Variants in ARHGAP26 observed in about 807,000 individuals in gnomAD.
ARHGAP26 encodes the protein rho GTPase-activating protein 26.
In ARHGAP26, 38 loss-of-function variants were observed where a neutral mutation model predicts 104.8. That is an observed-to-expected ratio of 0.36 (90% confidence interval 0.28 to 0.48). ARHGAP26 has a LOEUF of 0.48. Among genes scored for constraint, ARHGAP26 ranks in the 20% least tolerant of loss-of-function variants. The pLI, the probability that ARHGAP26 is intolerant of heterozygous loss-of-function variation, is 0.99. For synonymous variants in ARHGAP26, 341 were observed against 340.0 expected, an observed-to-expected ratio of 1.00 and a Z score of -0.03; for missense variants, 704 against 947.9, an observed-to-expected ratio of 0.74 and a Z score of 3.38.
At chr5:142,956,119 T>G (rs1343782000) in intron 11 of ARHGAP26, among the ~76,000 whole-genome samples, 1 of 152,240 alleles carries the variant, frequency 6.6e-6, no homozygotes, top group Non-Finnish European at 1.5e-5. Context: ...TATCTATGTT[T>G]TCATTATCTG....
At chr5:143,143,869 T>C (rs1333707541) in intron 19 of ARHGAP26, among the ~76,000 whole-genome samples, 1 of 152,210 alleles carries the variant, frequency 6.6e-6, no homozygotes, top group Non-Finnish European at 1.5e-5. Flanking sequence ...ATAGAACATA[T>C]GTTTGTGAAA....
intron 20 of ARHGAP26, among the ~76,000 whole-genome samples, chr5:143,177,970 A>G: frequency 7.0e-6 from 1 of 143,124 alleles, no homozygotes; most frequent in African/African-American, 2.6e-5. Flanking sequence ...TGGCCTGTTC[A>G]AGTCTGTGTG....
intron 20 of ARHGAP26, among the ~76,000 whole-genome samples, chr5:143,186,412 T>A (rs895455235): frequency 6.6e-6 from 1 of 152,166 alleles, no homozygotes; most frequent in African/African-American, 2.4e-5. Flanking sequence ...GCCTAGGGAC[T>A]CAGACTCCTC....
intron 20 of ARHGAP26, among the ~76,000 whole-genome samples, chr5:143,174,958 A>G (rs1475012056): frequency 3.3e-5 from 5 of 152,248 alleles, no homozygotes; most frequent in African/African-American, 1.2e-4. Context: ...GAGATAAGGA[A>G]GCTTAAGTGT....
At chr5:142,773,262 A>G (rs1306909875) in intron 1 of ARHGAP26, among the ~76,000 whole-genome samples, 1 of 152,250 alleles carries the variant, frequency 6.6e-6, no homozygotes, top group East Asian at 1.9e-4. Context: ...TTAAACATAA[A>G]TACATAATTA....
chr5:143,207,131 G>T (rs1256318572), intron 20 of ARHGAP26, 67 bp from the exon 21 acceptor site: 24 of 1,565,748 alleles, frequency 1.5e-5, no homozygotes, highest in Non-Finnish European at 2.0e-5. Context: ...GGCCTCCCAT[G>T]ACCTCCTGTG....
chr5:143,055,965 T>A, intron 15 of ARHGAP26, 63 bp from the exon 16 acceptor site: 4 of 1,166,716 alleles, frequency 3.4e-6, no homozygotes, highest in Non-Finnish European at 5.1e-6. Context: ...TCTAGGCTGC[T>A]ATTTAGAGAG....
chr5:143,000,452 A>C (rs1464250589), intron 11 of ARHGAP26, among the ~76,000 whole-genome samples: 8 of 152,278 alleles, frequency 5.3e-5, no homozygotes, highest in Admixed American at 3.3e-4. Context: ...AAAGGACTAA[A>C]GGTATTGGTT....
intron 10 of ARHGAP26, among the ~76,000 whole-genome samples, chr5:142,914,695 G>T (rs1762258246): frequency 6.6e-6 from 1 of 152,208 alleles, no homozygotes; most frequent in Non-Finnish European, 1.5e-5. Context: ...AATAGCATGG[G>T]TGTGGGGTCG....
chr5:143,221,424 CAA>C lies in ARHGAP26; in HGVS notation c.2192-915_2192-914del, dbSNP rs56114785. Among the ~76,000 whole-genome samples the C allele has an allele frequency of 4.5e-3, 374 of 83,598 alleles. 1 individual carries two copies. The highest frequency in any genetic ancestry group is 8.2e-3 in the African/African-American group (197 of 23,926). The allele number at this position is 83,598 out of a possible 152,430, so 54.8% of individuals were successfully genotyped here. A position where few individuals can be genotyped will look rare whatever the true frequency, so the allele number is the denominator to read the frequency against. On this transcript the variant is annotated intron_variant, in intron 22 of 22. Transcript: ENST00000645722. ...AAAGGCTATTCAAAATGACAGCAACCAAAAAAAAAAAAAAAAAAAACCCCAGA... is the reference window on the plus strand; with the variant it reads ...AAAGGCTATTCAAAATGACAGCAACCAAAAAAAAAAAAAAAAAACCCCAGA...
intron 1 of ARHGAP26, among the ~76,000 whole-genome samples, chr5:142,790,729 C>T (rs1276720349): frequency 6.6e-6 from 1 of 152,204 alleles, no homozygotes; most frequent in Non-Finnish European, 1.5e-5. Context: ...TTTCCCGCCA[C>T]CTTCTCTTAC....
chr5:143,148,155 G>A (rs1039651515), intron 20 of ARHGAP26, among the ~76,000 whole-genome samples: 4 of 152,168 alleles, frequency 2.6e-5, no homozygotes, highest in African/African-American at 9.7e-5. Context: ...CTACAGTTAT[G>A]TAAGACTCAG....
At chr5:143,024,974 T>A (rs573497713) in intron 12 of ARHGAP26, among the ~76,000 whole-genome samples, 59 of 152,352 alleles carry the variant, frequency 3.9e-4, no homozygotes, top group Admixed American at 7.8e-4. Context: ...GGAATAGTTT[T>A]AATAATTAAA....
intron 17 of ARHGAP26, among the ~76,000 whole-genome samples, chr5:143,096,368 C>T (rs1792311767): frequency 6.6e-6 from 1 of 152,182 alleles, no homozygotes; most frequent in African/African-American, 2.4e-5. Context: ...TAAATTTTAT[C>T]ATTGCAACAA....
intron 4 of ARHGAP26, among the ~76,000 whole-genome samples, chr5:142,884,847 G>C (rs1484837057): frequency 1.3e-5 from 2 of 152,202 alleles, no homozygotes. Context: ...TTTTGGGACA[G>C]TATTAAGGCT....
intron 1 of ARHGAP26, among the ~76,000 whole-genome samples, chr5:142,775,267 G>A (rs1281568764): frequency 6.6e-6 from 1 of 151,988 alleles, no homozygotes; most frequent in Non-Finnish European, 1.5e-5. Context: ...TCAGCACTTG[G>A]TTTTGTCTGT....
At chr5:142,994,499 A>G (rs73294337) in intron 11 of ARHGAP26, among the ~76,000 whole-genome samples, 4,510 of 152,244 alleles carry the variant, frequency 0.03, 222 homozygotes, top group African/African-American at 0.1. Flanking sequence ...CTGTGGCCAC[A>G]TGAAGGGTAT....
rs1369811264 is a variant in ARHGAP26 at position 142,885,198 on chromosome 5, G to A, written c.385-100G>A. 2.5e-5 allele frequency: 23 copies of A among 936,546 alleles called. No homozygotes were observed. The Middle Eastern group carries it at 6.4e-4, about 26-fold the overall frequency. The allele number at this position is 936,546 out of a possible 1,614,324, so 58.0% of individuals were successfully genotyped here. A position where few individuals can be genotyped will look rare whatever the true frequency, so the allele number is the denominator to read the frequency against. On this transcript the variant is annotated intron_variant, in intron 4 of 22. Coordinates refer to ENST00000645722, the MANE Select transcript of ARHGAP26 (RefSeq NM_001135608.3). ...TTACCTGAAAAGTAGGAGCTGAGTC[G>A]TCATCTGTGTTCTGAGCAGAAGGAT...
rs563461483 is a variant in ARHGAP26 at position 142,846,507 on chromosome 5, AT to A, written c.155-26890del. Among the ~76,000 whole-genome samples, 302 of 152,146 alleles carry A rather than the reference AT, an allele frequency of 2.0e-3. 2 individuals carry two copies. Among genetic ancestry groups the A allele is most frequent in the South Asian group, 0.014 (68 of 4,824 alleles). Reference sequence around the variant, plus strand: ...CTCTGGCAAAGAGGATTTGGATGGGATTTCCCTTCAGTGGGGATTTTATCTT... The same window carrying A: ...CTCTGGCAAAGAGGATTTGGATGGGATTCCCTTCAGTGGGGATTTTATCTT... On this transcript the variant is annotated intron_variant, in intron 1 of 22. Coordinates refer to ENST00000645722, the MANE Select transcript of ARHGAP26 (RefSeq NM_001135608.3).
Sources: gnomAD v4.1 joint callset for allele counts (sites outside exome capture counted in the v4.1 genomes callset) on GRCh38, gnomAD v4.1.1 for gene constraint, MANE v1.5 for transcripts, NCBI Gene and HGNC (gene_info 2026-07-23, HGNC 2026-07-21) for gene names.